The following ANKHD1 variants were observed in gnomAD, a reference collection of about 807,000 sequenced individuals.
ANKHD1 encodes ankyrin repeat and KH domain-containing protein 1.
ANKHD1 carries 31 observed loss-of-function variants against 230.5 expected under a neutral mutation model. The observed-to-expected ratio is 0.13, with a 90% confidence interval of 0.10 to 0.18. The LOEUF (loss-of-function observed/expected upper bound fraction) is 0.18, where lower values mean the gene tolerates loss of function less well. ANKHD1 is among the 10% of genes least tolerant of loss of function. The pLI, the probability that ANKHD1 is intolerant of heterozygous loss-of-function variation, is 1.00. For missense variants in ANKHD1, 2,256 were observed against 3,071.3 expected, an observed-to-expected ratio of 0.73 and a Z score of 6.27; for synonymous variants, 1,074 against 1,117.6, an observed-to-expected ratio of 0.96 and a Z score of 0.78.
chr5:140,442,033 C>CTTTT (rs901282726), intron 5 of ANKHD1, among the ~76,000 whole-genome samples: 58 of 86,908 alleles, frequency 6.7e-4, no homozygotes, highest in African/African-American at 8.4e-4. Flanking sequence ...ATAAGATATT[C>CTTTT]TTTTTTTTTT....
At chr5:140,440,558 C>T (rs1027078602) in intron 4 of ANKHD1, among the ~76,000 whole-genome samples, 2 of 152,062 alleles carry the variant, frequency 1.3e-5, no homozygotes, top group African/African-American at 4.8e-5. Flanking sequence ...AAATAATATA[C>T]AGCTATAATG....
At chr5:140,445,678 ATTTATT>A (rs1361102921) in intron 5 of ANKHD1, 58 bp from the exon 6 acceptor site, 1 of 1,291,490 alleles carries the variant, frequency 7.7e-7, no homozygotes, top group African/African-American at 1.5e-5. Context: ...TAAATCTTTT[ATTTATT>A]TTTATTTTTT....
intron 2 of ANKHD1, among the ~76,000 whole-genome samples, chr5:140,436,542 C>G (rs770684338): frequency 6.6e-6 from 1 of 152,036 alleles, no homozygotes; most frequent in African/African-American, 2.4e-5. Context: ...GCTCGGAGTT[C>G]AAGACCAACC....
intron 1 of ANKHD1, among the ~76,000 whole-genome samples, chr5:140,424,255 T>C (rs1419448692): frequency 6.6e-6 from 1 of 151,564 alleles, no homozygotes; most frequent in Non-Finnish European, 1.5e-5. Flanking sequence ...GAGACAGAGA[T>C]AGAGATGTAT....
At chr5:140,452,677 C>T (rs1202069071) in intron 7 of ANKHD1, among the ~76,000 whole-genome samples, 1 of 152,262 alleles carries the variant, frequency 6.6e-6, no homozygotes, top group South Asian at 2.1e-4. Flanking sequence ...AGAAGGAAAA[C>T]TAACAAACAG....
chr5:140,509,119 A>G (rs529785667), intron 20 of ANKHD1, among the ~76,000 whole-genome samples: 2 of 152,302 alleles, frequency 1.3e-5, no homozygotes, highest in Admixed American at 1.3e-4. Flanking sequence ...ACAAAGAGAA[A>G]TGAGTCTTTC....
At chr5:140,461,455 G>T (rs959264136) in intron 9 of ANKHD1, among the ~76,000 whole-genome samples, 2 of 152,076 alleles carry the variant, frequency 1.3e-5, no homozygotes, top group African/African-American at 4.8e-5. Context: ...TTCTTACAGT[G>T]TGGCACTAAA....
intron 18 of ANKHD1, 26 bp downstream of exon 18, chr5:140,505,895 G>T: frequency 6.5e-7 from 1 of 1,545,428 alleles, no homozygotes. Flanking sequence ...TTTTCATTTT[G>T]TAAATATTTT....
chr5:140,509,043 T>C (rs546365135), intron 20 of ANKHD1, among the ~76,000 whole-genome samples: 2 of 152,200 alleles, frequency 1.3e-5, no homozygotes, highest in Non-Finnish European at 1.5e-5. Context: ...TAAAGTTTAG[T>C]GCAACATTTA....
chr5:140,408,100 C>A (rs1770622954), intron 1 of ANKHD1, among the ~76,000 whole-genome samples: 1 of 152,090 alleles, frequency 6.6e-6, no homozygotes, highest in Admixed American at 6.6e-5. Flanking sequence ...TCTCTTGAAC[C>A]CGGGAGACGG....
At chr5:140,483,873 G>A (rs1751395085) in intron 11 of ANKHD1, among the ~76,000 whole-genome samples, 1 of 152,146 alleles carries the variant, frequency 6.6e-6, no homozygotes, top group Non-Finnish European at 1.5e-5. Flanking sequence ...AATATAGTCT[G>A]TAAAAGCTGT....
rs1380083719 is a variant in ANKHD1, at chr5:140,526,067, G to T, written c.4564G>T (p.Ala1522Ser). ...TTTIGISATS[A>S]TFTNVFGKKR... is the part of the protein sequence containing the mutation. ...TACGATTGGAATCTCTGCAACATCT[G>T]CAACATTCACAAATGTGTTTGGGAA... Residue 1522 changes from alanine (A) to serine (S), a missense_variant, in exon 26 of 34, where the codon GCA (alanine) becomes TCA (serine). Physicochemically the swap from Ala to Ser is moderately conservative, Grantham distance 99. Around this residue, in one of 13 missense-constraint regions of ANKHD1, gnomAD observed 212 missense variants for 257.3 expected, o/e 0.82. Transcript: ENST00000360839. The T allele has an allele frequency of 6.2e-7, 1 of 1,612,844 alleles. No individual in the cohort carries two copies. The highest frequency in any genetic ancestry group is 1.3e-5 in the African/African-American group (1 of 74,746).
chr5:140,418,955 TC>T (rs1259322570), intron 1 of ANKHD1, among the ~76,000 whole-genome samples: 7 of 152,336 alleles, frequency 4.6e-5, no homozygotes, highest in African/African-American at 1.7e-4. Flanking sequence ...GGTCTCGAAC[TC>T]CTGGCCTCTA....
At chr5:140,510,313 T>TC (rs1314787410) in intron 22 of ANKHD1, 132 bp downstream of exon 22, 2,068 of 1,118,042 alleles carry the variant, frequency 1.8e-3, no homozygotes, top group Middle Eastern at 2.8e-3. Flanking sequence ...TCCATTCTTT[T>TC]TTTTTTTTTT....
At chr5:140,520,170 A>G (rs1401315897) in intron 24 of ANKHD1, among the ~76,000 whole-genome samples, 1 of 152,218 alleles carries the variant, frequency 6.6e-6, no homozygotes, top group East Asian at 1.9e-4. Context: ...CAAAAAACAC[A>G]TGAAAAAATG....
At chr5:140,408,206 A>G (rs745734195) in intron 1 of ANKHD1, among the ~76,000 whole-genome samples, 12 of 152,170 alleles carry the variant, frequency 7.9e-5, no homozygotes, top group Non-Finnish European at 1.8e-4. Context: ...AAATTATTAC[A>G]AAATAGTTAC....
rs1213640717 is a variant in ANKHD1, at chr5:140,538,105, G to A, written c.7248G>A (p.Ser2416=). The change falls in exon 32 of 34, where the codon TCG becomes TCA. Residue 2416 remains serine, a synonymous_variant. Transcript: ENST00000360839. The part of the protein sequence containing the change: ...NAVSEGLSGW[S]QSVMGNHPMH... Reference sequence around the variant, plus strand: ...TTCCAGAAGGCTTATCAGGTTGGTCGCAATCTGTGATGGGGAACCATCCAA... The same window carrying A: ...TTCCAGAAGGCTTATCAGGTTGGTCACAATCTGTGATGGGGAACCATCCAA... 4 of 1,611,256 alleles carry A rather than the reference G, an allele frequency of 2.5e-6. No homozygotes were observed. The highest frequency in any genetic ancestry group is 1.3e-5 in the African/African-American group (1 of 74,938).
chr5:140,533,541 G>T (rs899742708), intron 29 of ANKHD1, among the ~76,000 whole-genome samples: 1 of 152,136 alleles, frequency 6.6e-6, no homozygotes, highest in African/African-American at 2.4e-5. Flanking sequence ...GGAGCTTGCA[G>T]TGAGCCGAGA....
chr5:140,486,853 T>G, intron 13 of ANKHD1, 105 bp from the exon 14 acceptor site: 16 of 1,125,758 alleles, frequency 1.4e-5, no homozygotes, highest in Non-Finnish European at 1.4e-5. Context: ...CAAAAGTGCA[T>G]TTGGTGGTAT....
Sources: gnomAD v4.1 joint callset for allele counts (sites outside exome capture counted in the v4.1 genomes callset) on GRCh38, gnomAD v4.1.1 for gene constraint, gnomAD v4.1.1 regional missense constraint, MANE v1.5 for transcripts, NCBI Gene and HGNC (gene_info 2026-07-23, HGNC 2026-07-21) for gene names.